ULK4: variants seen among roughly 807,000 people sequenced by gnomAD.
ULK4 encodes unc-51 like kinase 4.
In ULK4, 133 loss-of-function variants were observed where a neutral mutation model predicts 160.6. The ratio of observed to expected loss-of-function variants is 0.83; its 90% CI spans 0.72 to 0.96. The LOEUF is 0.96. Ranked by LOEUF, ULK4 falls within the 40% of genes least tolerant of loss-of-function variation. ULK4 has a pLI of 0.00. For synonymous variants in ULK4, 534 were observed against 539.8 expected (o/e 0.99, Z 0.15); for missense variants, 1,580 against 1,499.5 (o/e 1.05, Z -0.89).
intron 21 of ULK4, among the ~76,000 whole-genome samples, chr3:41,768,555 C>G (rs1419235935): frequency 6.6e-6 from 1 of 152,168 alleles, no homozygotes; most frequent in African/African-American, 2.4e-5. Context: ...TACAATGCAA[C>G]TGAGGCTACC....
chr3:41,390,950 CCCCTT>C (rs1362916121), intron 35 of ULK4, among the ~76,000 whole-genome samples: 1 of 151,906 alleles, frequency 6.6e-6, no homozygotes, highest in Non-Finnish European at 1.5e-5. Context: ...TCCTCCCATC[CCCCTT>C]CCCTTCCCTT....
At chr3:41,712,700 G>A (rs1559502181) in intron 25 of ULK4, among the ~76,000 whole-genome samples, 1 of 152,196 alleles carries the variant, frequency 6.6e-6, no homozygotes, top group East Asian at 1.9e-4. Flanking sequence ...GACCAGCTCA[G>A]GAAAGATGGT....
intron 27 of ULK4, among the ~76,000 whole-genome samples, chr3:41,691,943 CTTTTTT>C (rs751734628): frequency 3.1e-5 from 3 of 96,352 alleles, no homozygotes; most frequent in African/African-American, 5.7e-5. Context: ...CAAATCACTT[CTTTTTT>C]TTTTTTTTTT....
intron 17 of ULK4, among the ~76,000 whole-genome samples, chr3:41,846,940 T>A (rs892070161): frequency 6.6e-6 from 1 of 152,334 alleles, no homozygotes; most frequent in South Asian, 2.1e-4. Context: ...TTATTTCTAA[T>A]ACCGTTATGC....
At chr3:41,502,226 G>C (rs746817142) in intron 32 of ULK4, among the ~76,000 whole-genome samples, 14 of 152,208 alleles carry the variant, frequency 9.2e-5, no homozygotes, top group Non-Finnish European at 8.8e-5. Context: ...AAGTAGAATT[G>C]CTGGATGATA....
At chr3:41,504,491 G>A (rs116148334) in intron 32 of ULK4, among the ~76,000 whole-genome samples, 1 of 152,302 alleles carries the variant, frequency 6.6e-6, no homozygotes, top group African/African-American at 2.4e-5. Flanking sequence ...ATATGGAAGT[G>A]TAGAGCATAA....
chr3:41,394,828 A>G (rs2082023062), intron 35 of ULK4, among the ~76,000 whole-genome samples: 2 of 152,122 alleles, frequency 1.3e-5, no homozygotes, highest in Non-Finnish European at 2.9e-5. Context: ...TGACTGACCC[A>G]GGGTAAACTA....
chr3:41,649,320 G>C (rs942282859), intron 30 of ULK4, among the ~76,000 whole-genome samples: 3 of 152,160 alleles, frequency 2.0e-5, no homozygotes, highest in Non-Finnish European at 4.4e-5. Flanking sequence ...TGTGGGGCCA[G>C]CAAGAGGCAG....
rs186465270 is a variant in ULK4 at position 41,362,976 on chromosome 3, G to A, written c.3678+35103C>T. ...AGTGATGCAGTCTCCAGTGTCATTT[G>A]TTGCAGCTGAGGCCTCGCCAGCAGG... On this transcript the variant is annotated intron_variant, in intron 35 of 36. Coordinates refer to ENST00000301831, the MANE Select transcript of ULK4 (RefSeq NM_017886.4). Among the ~76,000 whole-genome samples the A allele has an allele frequency of 2.7e-3, 418 of 152,364 alleles. 10 individuals carry two copies. The highest frequency in any genetic ancestry group is 9.7e-3 in the African/African-American group (405 of 41,594).
At chr3:41,782,758 A>T (rs1035059582) in intron 21 of ULK4, among the ~76,000 whole-genome samples, 1 of 152,252 alleles carries the variant, frequency 6.6e-6, no homozygotes, top group Non-Finnish European at 1.5e-5. Context: ...TTTATTTAAA[A>T]GTTTATCTTA....
chr3:41,770,751 G>A (rs1278806313), intron 21 of ULK4, among the ~76,000 whole-genome samples: 4 of 152,102 alleles, frequency 2.6e-5, no homozygotes, highest in African/African-American at 4.8e-5. Context: ...GGCCTCAAGT[G>A]ATCCACCCAC....
chr3:41,733,213 A>T (rs1469934805), intron 22 of ULK4, among the ~76,000 whole-genome samples: 1 of 152,156 alleles, frequency 6.6e-6, no homozygotes, highest in African/African-American at 2.4e-5. Context: ...ATCACAGTGT[A>T]CCCCATAAAT....
At chr3:41,938,261 AAACC>A (rs1699843381) in intron 2 of ULK4, 64 bp from the exon 3 acceptor site, 39 of 1,223,722 alleles carry the variant, frequency 3.2e-5, no homozygotes, top group Non-Finnish European at 4.5e-5. Flanking sequence ...CTACTGAGAA[AAACC>A]TAAATATACA....
chr3:41,907,336 A>G (rs1166527106), intron 12 of ULK4, among the ~76,000 whole-genome samples: 1 of 151,342 alleles, frequency 6.6e-6, no homozygotes, highest in Non-Finnish European at 1.5e-5. Context: ...TCACTCTGTC[A>G]CCCAGGCTGG....
chr3:41,784,064 T>C (rs936333670), intron 21 of ULK4, among the ~76,000 whole-genome samples: 2 of 152,172 alleles, frequency 1.3e-5, no homozygotes, highest in Admixed American at 1.3e-4. Context: ...ATCTGAATTA[T>C]AAAAAGGTAA....
intron 35 of ULK4, among the ~76,000 whole-genome samples, chr3:41,306,918 T>C (rs2079953115): frequency 6.6e-6 from 1 of 151,554 alleles, no homozygotes; most frequent in Non-Finnish European, 1.5e-5. Flanking sequence ...CAGTGCAAGA[T>C]GTGCTTTGTT....
intron 32 of ULK4, among the ~76,000 whole-genome samples, chr3:41,534,659 T>C (rs2086433478): frequency 6.6e-6 from 1 of 152,138 alleles, no homozygotes; most frequent in Admixed American, 6.5e-5. Context: ...CTTACTGATA[T>C]TACCTACCAT....
At chr3:41,809,689 ATC>A (rs2040760504) in intron 19 of ULK4, among the ~76,000 whole-genome samples, 1 of 152,158 alleles carries the variant, frequency 6.6e-6, no homozygotes, top group African/African-American at 2.4e-5. Context: ...TGGCCTACTT[ATC>A]TCTGTGCCAC....
intron 34 of ULK4, among the ~76,000 whole-genome samples, chr3:41,411,251 G>C (rs1559580420): frequency 6.6e-6 from 1 of 151,982 alleles, no homozygotes; most frequent in Non-Finnish European, 1.5e-5. Flanking sequence ...GGGAAGTGGG[G>C]GGTCTAGACA....
Sources: allele counts gnomAD v4.1 joint callset (sites outside exome capture counted in the v4.1 genomes callset), GRCh38; gene constraint gnomAD v4.1.1; transcripts MANE v1.5; gene names NCBI Gene and HGNC (gene_info 2026-07-23, HGNC 2026-07-21).